The following SGCG variants were observed in gnomAD, a reference collection of about 807,000 sequenced individuals.
The protein encoded by SGCG is sarcoglycan gamma.
Under a neutral mutation model 29.3 loss-of-function variants are expected in SGCG, and 26 were observed. That is an observed-to-expected ratio of 0.89 (90% confidence interval 0.65 to 1.23). SGCG has a LOEUF of 1.23. SGCG is among the 50% of genes most tolerant of loss of function. SGCG has a pLI of 0.00. For synonymous variants in SGCG, 145 were observed against 129.7 expected, an observed-to-expected ratio of 1.12 and a Z score of -0.80; for missense variants, 353 against 356.0, an observed-to-expected ratio of 0.99 and a Z score of 0.07.
intron 6 of SGCG, among the ~76,000 whole-genome samples, chr13:23,300,943 A>G (rs942837546): frequency 3.9e-5 from 6 of 152,056 alleles, no homozygotes; most frequent in Admixed American, 2.0e-4. Flanking sequence ...GTGAAACCCC[A>G]TCTCTACGAA....
the SGCG span, among the ~76,000 whole-genome samples, chr13:23,172,876 G>A: frequency 1.4e-4 from 22 of 152,172 alleles, no homozygotes; most frequent in African/African-American, 4.8e-4. Flanking sequence ...GGAAGTGGGA[G>A]AAAAGGGTTA....
rs750012472 is a variant in SGCG at position 23,250,625 on chromosome 13, T to C, written c.298-5T>C. On this transcript the variant is annotated splice_region_variant and splice_polypyrimidine_tract_variant and intron_variant, in intron 3 of 7. Coordinates refer to ENST00000218867, the MANE Select transcript of SGCG (RefSeq NM_000231.3). ...ATTTTGCAAATTTTATAAATCTCTTTCTAGGACTCATCTCTGCTTCTACAA... is the reference window on the plus strand; with the variant it reads ...ATTTTGCAAATTTTATAAATCTCTTCCTAGGACTCATCTCTGCTTCTACAA... The C allele has an allele frequency of 3.2e-6, 5 of 1,566,674 alleles. No homozygotes were observed. Among genetic ancestry groups the C allele is most frequent in the Non-Finnish European group, 4.4e-6 (5 of 1,137,438 alleles).
chr13:23,314,223 G>A (rs1796097941), intron 6 of SGCG, among the ~76,000 whole-genome samples: 1 of 149,434 alleles, frequency 6.7e-6, no homozygotes, highest in African/African-American at 2.5e-5. Context: ...AACTTTGAGA[G>A]ATCTCACAGT....
chr13:23,215,634 T>G (rs1878397710), intron 2 of SGCG, among the ~76,000 whole-genome samples: 1 of 152,174 alleles, frequency 6.6e-6, no homozygotes, highest in African/African-American at 2.4e-5. Context: ...TTATTTCTAT[T>G]TTTAGTATAA....
chr13:23,275,590 ATAACC>A (rs1221346989), intron 4 of SGCG, among the ~76,000 whole-genome samples: 1 of 152,192 alleles, frequency 6.6e-6, no homozygotes, highest in Non-Finnish European at 1.5e-5. Context: ...TTTACTAGAA[ATAACC>A]TAAGTTTCAC....
At chr13:23,227,241 C>A (rs1878933048) in intron 2 of SGCG, among the ~76,000 whole-genome samples, 1 of 149,526 alleles carries the variant, frequency 6.7e-6, no homozygotes. Context: ...TGACCATAAT[C>A]ATTTGGATGA....
intron 2 of SGCG, among the ~76,000 whole-genome samples, chr13:23,204,166 T>C (rs952397092): frequency 6.6e-6 from 1 of 152,194 alleles, no homozygotes; most frequent in Non-Finnish European, 1.5e-5. Context: ...CTTTAGTTTG[T>C]GGTTGATTGA....
At chr13:23,307,504 A>T (rs1882402566) in intron 6 of SGCG, among the ~76,000 whole-genome samples, 1 of 152,152 alleles carries the variant, frequency 6.6e-6, no homozygotes, top group Non-Finnish European at 1.5e-5. Flanking sequence ...AGTGATTTGG[A>T]TTACTGTGGG....
chr13:23,210,933 A>T (rs1372687566), intron 2 of SGCG, among the ~76,000 whole-genome samples: 2 of 151,922 alleles, frequency 1.3e-5, no homozygotes, highest in African/African-American at 4.8e-5. Context: ...TGTCCGAAAA[A>T]AGTCCTTTTG....
chr13:23,304,819 G>A (rs538290675), intron 6 of SGCG, among the ~76,000 whole-genome samples: 8 of 152,254 alleles, frequency 5.3e-5, no homozygotes, highest in African/African-American at 1.7e-4. Flanking sequence ...GGTAGAGACC[G>A]GGTTTTGCCA....
At chr13:23,201,267 G>C (rs1877743684) in intron 1 of SGCG, among the ~76,000 whole-genome samples, 1 of 152,170 alleles carries the variant, frequency 6.6e-6, no homozygotes, top group Non-Finnish European at 1.5e-5. Context: ...TCAGTGTTAT[G>C]TAAGGGTGAA....
chr13:23,190,142 TTGTA>T (rs1451567792), intron 1 of SGCG, among the ~76,000 whole-genome samples: 1 of 152,006 alleles, frequency 6.6e-6, no homozygotes, highest in Admixed American at 6.5e-5. Flanking sequence ...TAAAATATTT[TTGTA>T]TGAGTATATG....
chr13:23,309,240 A>G (rs986143231), intron 6 of SGCG, among the ~76,000 whole-genome samples: 1 of 152,134 alleles, frequency 6.6e-6, no homozygotes, highest in African/African-American at 2.4e-5. Flanking sequence ...AAAAATACAT[A>G]CATATGCCGA....
intron 2 of SGCG, among the ~76,000 whole-genome samples, chr13:23,214,913 A>G (rs893121317): frequency 6.6e-6 from 1 of 152,226 alleles, no homozygotes; most frequent in Non-Finnish European, 1.5e-5. Flanking sequence ...GAGGAGGAAG[A>G]TAAACCTAAA....
rs529114327 is a variant in SGCG, at chr13:23,234,989, G to T, written c.297+277G>T. Among the ~76,000 whole-genome samples the T allele has an allele frequency of 1.2e-3, 189 of 152,236 alleles. 2 individuals are homozygous for T. The highest frequency in any genetic ancestry group is 4.4e-3 in the African/African-American group (182 of 41,540). On this transcript the variant is annotated intron_variant, in intron 3 of 7. Coordinates refer to ENST00000218867, the MANE Select transcript of SGCG (RefSeq NM_000231.3). ...TTTTAGAAATGAAAATTTTTACCAA[G>T]AACAATTTAAACTTCTTTATGTTAG...
At chr13:23,178,342 G>A (rs1415132), upstream of SGCG, among the ~76,000 whole-genome samples, 18,588 of 152,210 alleles carry the variant, frequency 0.12, 1,186 homozygotes, top group East Asian at 0.16. Flanking sequence ...GGTGAGTGAG[G>A]GAGAGCCCTA....
intron 3 of SGCG, among the ~76,000 whole-genome samples, chr13:23,238,042 AT>A (rs1195971587): frequency 2.0e-5 from 3 of 148,420 alleles, no homozygotes; most frequent in African/African-American, 2.6e-5. Context: ...GAAAAAAAAA[AT>A]ATATGAAACA....
intron 2 of SGCG, among the ~76,000 whole-genome samples, chr13:23,207,123 T>A (rs560210445): frequency 6.6e-6 from 1 of 152,302 alleles, no homozygotes; most frequent in East Asian, 1.9e-4. Context: ...GAAAGGCATA[T>A]AGACCACTGG....
the SGCG span, among the ~76,000 whole-genome samples, chr13:23,173,419 G>A: frequency 6.6e-6 from 1 of 152,170 alleles, no homozygotes; most frequent in Non-Finnish European, 1.5e-5. Context: ...TATAATGGAA[G>A]AAATCATCTC....
Sources: gnomAD v4.1 joint callset for allele counts (sites outside exome capture counted in the v4.1 genomes callset) on GRCh38, gnomAD v4.1.1 for gene constraint, MANE v1.5 for transcripts, NCBI Gene and HGNC (gene_info 2026-07-23, HGNC 2026-07-21) for gene names.